C11orf65: variants seen among roughly 807,000 people sequenced by gnomAD.
C11orf65 encodes the protein protein MFI.
A neutral mutation model predicts 35.3 loss-of-function variants in C11orf65; 38 were observed. That is an observed-to-expected ratio of 1.08 (90% CI 0.83 to 1.41). The LOEUF (loss-of-function observed/expected upper bound fraction) is 1.41, where lower values mean the gene tolerates loss of function less well. Among genes scored for constraint, C11orf65 ranks in the 40% most tolerant of loss-of-function variants. The probability of loss-of-function intolerance (pLI) is 0.00; values close to 1 mark genes in which losing one functional copy is unlikely to be tolerated. For missense variants in C11orf65, 370 were observed against 367.1 expected (o/e 1.01, Z -0.06); for synonymous variants, 105 against 114.4 (o/e 0.92, Z 0.53).
intron 8 of C11orf65, among the ~76,000 whole-genome samples, chr11:108,384,517 G>A (rs1161366959): frequency 1.3e-5 from 2 of 152,114 alleles, no homozygotes; most frequent in Non-Finnish European, 2.9e-5. Flanking sequence ...ATCAAACCCA[G>A]GCACTCTGAA....
At chr11:108,453,091 T>C (rs776081484) in intron 2 of C11orf65, among the ~76,000 whole-genome samples, 1 of 122,108 alleles carries the variant, frequency 8.2e-6, no homozygotes, top group Non-Finnish European at 1.7e-5. Context: ...ATGGCACATG[T>C]ATACATTTGT....
chr11:108,359,726 T>C (rs910013311), intron 2 of C11orf65, among the ~76,000 whole-genome samples: 3 of 151,912 alleles, frequency 2.0e-5, no homozygotes, highest in African/African-American at 7.3e-5. Context: ...AAGGCAGAAA[T>C]AAAGATGTTC....
downstream of C11orf65, among the ~76,000 whole-genome samples, chr11:108,329,782 A>G (rs2086063809): frequency 1.3e-5 from 2 of 152,198 alleles, no homozygotes; most frequent in African/African-American, 4.8e-5. Context: ...TGAATAATTC[A>G]TGCTCTGCTT....
chr11:108,462,197 C>T (rs1263916262), intron 1 of C11orf65, among the ~76,000 whole-genome samples: 4 of 152,096 alleles, frequency 2.6e-5, no homozygotes, highest in South Asian at 2.1e-4. Context: ...GCACATGCTA[C>T]GATGCCTAGC....
At chr11:108,333,425 T>C (rs56180078) in intron 3 of C11orf65, among the ~76,000 whole-genome samples, 84 of 152,334 alleles carry the variant, frequency 5.5e-4, no homozygotes, top group African/African-American at 1.9e-3. Flanking sequence ...CCCCATACTT[T>C]AATAATTGTA....
chr11:108,321,402 T>C lies in C11orf65; in HGVS notation c.641-12331A>G, dbSNP rs779611511. Reference sequence around the variant, plus strand: ...CAGGCCATTGGAGAGCTGGAAAGCATTGGGGAGCTTTTCTCAAGGTATGTA... The same window carrying C: ...CAGGCCATTGGAGAGCTGGAAAGCACTGGGGAGCTTTTCTCAAGGTATGTA... On this transcript the variant is annotated intron_variant, in intron 6 of 6. Transcript: ENST00000525729. The C allele has an allele frequency of 8.7e-6, 14 of 1,613,986 alleles. No homozygotes were observed. The highest frequency in any genetic ancestry group is 5.3e-5 in the African/African-American group (4 of 74,920).
At chr11:108,342,577 A>G (rs1424340024) in intron 2 of C11orf65, among the ~76,000 whole-genome samples, 2 of 152,094 alleles carry the variant, frequency 1.3e-5, no homozygotes, top group Non-Finnish European at 2.9e-5. Flanking sequence ...CACAAGGGGG[A>G]GCTTCATCTC....
chr11:108,445,505 C>A (rs1380415930), intron 2 of C11orf65, among the ~76,000 whole-genome samples: 1 of 152,138 alleles, frequency 6.6e-6, no homozygotes, highest in Non-Finnish European at 1.5e-5. Context: ...GATACCCAGG[C>A]AAACAGGGTC....
intron 2 of C11orf65, among the ~76,000 whole-genome samples, chr11:108,359,559 C>T (rs1180636651): frequency 6.6e-6 from 1 of 152,062 alleles, no homozygotes; most frequent in African/African-American, 2.4e-5. Flanking sequence ...AAGCTCTCCT[C>T]AGCAAATGTA....
intron 7 of C11orf65, among the ~76,000 whole-genome samples, chr11:108,387,559 GCT>G (rs1565632924): frequency 6.6e-6 from 1 of 151,934 alleles, no homozygotes; most frequent in African/African-American, 2.4e-5. Flanking sequence ...ACAAGGTCTC[GCT>G]CTGTCTCCCA....
At chr11:108,407,485 ATTTT>A (rs375638984) in intron 3 of C11orf65, among the ~76,000 whole-genome samples, 1 of 137,124 alleles carries the variant, frequency 7.3e-6, no homozygotes, top group East Asian at 2.1e-4. Context: ...CTAATTTTGT[ATTTT>A]TTTTTTTTTT....
intron 2 of C11orf65, among the ~76,000 whole-genome samples, chr11:108,455,772 C>T (rs1241960034): frequency 8.0e-6 from 1 of 124,426 alleles, no homozygotes; most frequent in African/African-American, 3.1e-5. Context: ...GCTGAGATCA[C>T]ATCACTGCAC....
intron 2 of C11orf65, among the ~76,000 whole-genome samples, chr11:108,357,441 C>G (rs1565589295): frequency 6.6e-6 from 1 of 152,230 alleles, no homozygotes. Context: ...GTGGAACCCA[C>G]CACAGCTCAA....
chr11:108,460,694 T>C (rs1463233621), intron 2 of C11orf65, among the ~76,000 whole-genome samples: 3 of 152,132 alleles, frequency 2.0e-5, no homozygotes, highest in South Asian at 2.1e-4. Flanking sequence ...AGTGAAATAA[T>C]TGTAACTTTT....
chr11:108,433,225 G>A (rs971858460), intron 2 of C11orf65, among the ~76,000 whole-genome samples: 1 of 149,888 alleles, frequency 6.7e-6, no homozygotes, highest in Non-Finnish European at 1.5e-5. Context: ...GGAGGGGCGA[G>A]GCATTAAAAA....
chr11:108,371,752 C>T (rs1041244211), intron 2 of C11orf65, among the ~76,000 whole-genome samples: 8 of 152,174 alleles, frequency 5.3e-5, no homozygotes, highest in Non-Finnish European at 5.9e-5. Flanking sequence ...TACCCAGAAA[C>T]GGAATTGTTG....
intron 6 of C11orf65, among the ~76,000 whole-genome samples, chr11:108,313,533 C>T (rs1028986698): frequency 6.6e-6 from 1 of 152,168 alleles, no homozygotes; most frequent in Non-Finnish European, 1.5e-5. Context: ...ATTAATACTT[C>T]ACATCATCAA....
intron 6 of C11orf65, among the ~76,000 whole-genome samples, chr11:108,402,897 C>T (rs1265618770): frequency 6.6e-6 from 1 of 152,254 alleles, no homozygotes; most frequent in Non-Finnish European, 1.5e-5. Context: ...CCATGTCATT[C>T]TGTCTATCAG....
intron 2 of C11orf65, chr11:108,368,044 GAAT>G: frequency 4.8e-6 from 1 of 207,362 alleles, no homozygotes; most frequent in Non-Finnish European, 9.8e-6. Context: ...AGAGAGCTTT[GAAT>G]AACATCATTA....
Sources: allele counts gnomAD v4.1 joint callset (sites outside exome capture counted in the v4.1 genomes callset), GRCh38; gene constraint gnomAD v4.1.1; transcripts MANE v1.5; gene names NCBI Gene and HGNC (gene_info 2026-07-23, HGNC 2026-07-21).